Variants in DNAAF5 observed in about 807,000 individuals in gnomAD.
The protein encoded by DNAAF5 is HEAT repeat containing 2.
Under a neutral mutation model 75.8 loss-of-function variants are expected in DNAAF5, and 64 were observed. The ratio of observed to expected loss-of-function variants is 0.84; its 90% confidence interval spans 0.69 to 1.04. The LOEUF is 1.04. Among genes scored for constraint, DNAAF5 ranks in the 50% least tolerant of loss-of-function variants. The pLI is 0.00. For missense variants in DNAAF5, 1,269 were observed against 1,178.5 expected, an observed-to-expected ratio of 1.08 and a Z score of -1.12; for synonymous variants, 657 against 557.2, an observed-to-expected ratio of 1.18 and a Z score of -2.52.
At chr7:785,090 A>C (rs1036777062) in intron 12 of DNAAF5, among the ~76,000 whole-genome samples, 2 of 151,670 alleles carry the variant, frequency 1.3e-5, no homozygotes, top group Non-Finnish European at 2.9e-5. Context: ...CATCCGCTGC[A>C]TCAGGTCGCT....
In DNAAF5 at chr7:781,947, C is replaced by T. The variant is rs1210783079; in HGVS notation, c.2431+1803C>T. ...TCCCATCCCGTACCCGCGGGCTGTCCCTGCGGCTGTACTCTGCTCATTCTT... is the reference window on the plus strand; with the variant it reads ...TCCCATCCCGTACCCGCGGGCTGTCTCTGCGGCTGTACTCTGCTCATTCTT... On this transcript the variant is annotated intron_variant, in intron 12 of 12. Transcript: ENST00000297440. 2.0e-5 allele frequency among the ~76,000 whole-genome samples: 3 copies of T among 152,242 alleles called. No individual in the cohort carries two copies. The East Asian group carries it at 5.8e-4, about 29-fold the overall frequency.
intron 2 of DNAAF5, among the ~76,000 whole-genome samples, chr7:737,233 C>A (rs1171202258): frequency 6.6e-6 from 1 of 152,002 alleles, no homozygotes; most frequent in Admixed American, 6.6e-5. Context: ...GTAGCTGGGA[C>A]TACAGGCACC....
intron 2 of DNAAF5, among the ~76,000 whole-genome samples, chr7:737,730 C>A (rs1345178341): frequency 6.6e-6 from 1 of 152,184 alleles, no homozygotes; most frequent in Non-Finnish European, 1.5e-5. Context: ...TTTAAATATG[C>A]CAAGCCACTG....
intron 4 of DNAAF5, among the ~76,000 whole-genome samples, chr7:751,660 A>T (rs1381618572): frequency 7.5e-6 from 1 of 132,608 alleles, no homozygotes; most frequent in Non-Finnish European, 1.6e-5. Flanking sequence ...TGCAACCCCC[A>T]CCTCCTGGGT....
chr7:742,159 C>T (rs1262337901), intron 4 of DNAAF5, among the ~76,000 whole-genome samples: 1 of 152,194 alleles, frequency 6.6e-6, no homozygotes, highest in Non-Finnish European at 1.5e-5. Flanking sequence ...GCCCTCCTCT[C>T]GCGGGGCTGA....
chr7:758,331 C>T (rs189363266), intron 6 of DNAAF5, among the ~76,000 whole-genome samples: 1 of 152,356 alleles, frequency 6.6e-6, no homozygotes, highest in Admixed American at 6.5e-5. Flanking sequence ...TTTCACATCT[C>T]CATGTTGGTT....
chr7:777,480 C>T (rs2128085805), intron 11 of DNAAF5, among the ~76,000 whole-genome samples: 1 of 149,974 alleles, frequency 6.7e-6, no homozygotes, highest in South Asian at 2.1e-4. Context: ...CAGATGGAAA[C>T]GGAAGCGATC....
intron 2 of DNAAF5, 120 bp downstream of exon 2, chr7:729,967 C>A (rs1781514912): frequency 2.1e-6 from 2 of 932,004 alleles, no homozygotes; most frequent in Non-Finnish European, 3.2e-6. Context: ...AATGTCCTTT[C>A]ATTATTCCTA....
intron 4 of DNAAF5, among the ~76,000 whole-genome samples, chr7:752,914 C>G (rs1041449987): frequency 6.6e-6 from 1 of 152,200 alleles, no homozygotes; most frequent in African/African-American, 2.4e-5. Context: ...TTTGGAAAGA[C>G]CCTTTACCAG....
At chr7:773,523 T>C (rs978736021) in intron 9 of DNAAF5, among the ~76,000 whole-genome samples, 24 of 148,210 alleles carry the variant, frequency 1.6e-4, no homozygotes, top group African/African-American at 6.1e-4. Flanking sequence ...CTCTGAGCTG[T>C]GGCCCTTGGG....
chr7:762,140 A>G (rs920298662), intron 7 of DNAAF5, among the ~76,000 whole-genome samples: 1 of 152,208 alleles, frequency 6.6e-6, no homozygotes, highest in African/African-American at 2.4e-5. Flanking sequence ...GCAAAGAAGC[A>G]AACAAGAAAT....
At chr7:784,486 C>T (rs888312340) in intron 12 of DNAAF5, among the ~76,000 whole-genome samples, 9 of 152,178 alleles carry the variant, frequency 5.9e-5, no homozygotes, top group African/African-American at 1.9e-4. Context: ...ATAGACTCCC[C>T]AGCCACTGCA....
At chr7:784,877 C>A (rs1342979212) in intron 12 of DNAAF5, among the ~76,000 whole-genome samples, 1 of 152,214 alleles carries the variant, frequency 6.6e-6, no homozygotes, top group Non-Finnish European at 1.5e-5. Context: ...TGCCAGGAGG[C>A]GATTTTCAGT....
At chr7:727,552 G>A in intron 1 of DNAAF5, 1 of 263,908 alleles carries the variant, frequency 3.8e-6, no homozygotes, top group Admixed American at 5.9e-5. Flanking sequence ...CCACCAACGC[G>A]CCCTTCAGCT....
In DNAAF5 at chr7:754,621, G is replaced by A. The variant is rs761665711; in HGVS notation, c.1057G>A (p.Val353Ile). The change falls in exon 5 of 13, where the codon GTC (valine) becomes ATC (isoleucine). Residue 353 changes from valine to isoleucine, a missense_variant. Coordinates refer to ENST00000297440, the MANE Select transcript of DNAAF5 (RefSeq NM_017802.4). The surrounding 1 kb of genome is among the most constrained non-coding windows in gnomAD (Gnocchi z 4.8). ...CCCTGTGCTGGGCTGCCGGGAGCTCGTCTTCAGGAACCTCTCCAAGATCCT... is the reference window on the plus strand; with the variant it reads ...CCCTGTGCTGGGCTGCCGGGAGCTCATCTTCAGGAACCTCTCCAAGATCCT... ...RRPVLGCRELVFRNLSKILPA... is the reference protein window; with the variant it reads ...RRPVLGCRELIFRNLSKILPA... The A allele has an allele frequency of 2.6e-5, 42 of 1,613,966 alleles. No individual in the cohort carries two copies. The highest frequency in any genetic ancestry group is 1.1e-4 in the East Asian group (5 of 44,894).
intron 9 of DNAAF5, among the ~76,000 whole-genome samples, chr7:773,447 G>A (rs1472135849): frequency 6.6e-6 from 1 of 152,090 alleles, no homozygotes; most frequent in Non-Finnish European, 1.5e-5. Flanking sequence ...GTTTGTCTTG[G>A]TGGCACTTTG....
chr7:744,280 T>C (rs180907727), intron 4 of DNAAF5, among the ~76,000 whole-genome samples: 125 of 152,380 alleles, frequency 8.2e-4, no homozygotes, highest in African/African-American at 2.9e-3. Context: ...CATCATTTTT[T>C]ATGGCTGCAT....
chr7:775,037 A>G lies in DNAAF5; in HGVS notation c.2114A>G (p.Gln705Arg). ...GACGTGCAGGAAACACTGATGCCCC[A>G]GGTCCTGACCACCCTGGAGGAGGAT... is the stretch of plus-strand genomic sequence containing the variant. The part of the protein sequence containing the change: ...IRDVQETLMP[Q>R]VLTTLEEDSK... The change falls in exon 11 of 13, where the codon CAG becomes CGG. Residue 705 changes from glutamine (Q) to arginine (R), a missense_variant. By Grantham distance (43) the Gln-to-Arg change is conservative. Transcript: ENST00000297440. The G allele has an allele frequency of 1.2e-6, 2 of 1,614,022 alleles. No homozygotes were observed. Among genetic ancestry groups the G allele is most frequent in the Non-Finnish European group, 1.7e-6 (2 of 1,179,958 alleles).
chr7:726,783 G>A lies in DNAAF5; in HGVS notation c.63G>A (p.Thr21=), dbSNP rs1054283683. 13 of 1,279,060 alleles carry A rather than the reference G, an allele frequency of 1.0e-5. No homozygotes were observed. Among genetic ancestry groups the A allele is most frequent in the Non-Finnish European group, 1.2e-5 (12 of 1,015,126 alleles). 79.2% of individuals were successfully genotyped at this position (1,279,060 alleles called of 1,614,324 possible). A position where few individuals can be genotyped will look rare whatever the true frequency, so the allele number is the denominator to read the frequency against. ...AAPHPAEGAE[T]AEAVELSRAL... is the part of the protein sequence containing the mutation. Reference sequence around the variant, plus strand: ...CACACCCGGCTGAGGGGGCCGAGACGGCTGAGGCGGTGGAGCTGAGCCGCG... The same window carrying A: ...CACACCCGGCTGAGGGGGCCGAGACAGCTGAGGCGGTGGAGCTGAGCCGCG... Residue 21 remains threonine (T), a synonymous_variant, in exon 1 of 13, where the codon ACG becomes ACA. Transcript: ENST00000297440.
Sources: gnomAD v4.1 joint callset for allele counts (sites outside exome capture counted in the v4.1 genomes callset) on GRCh38, gnomAD v4.1.1 for gene constraint, Gnocchi (gnomAD v3.1) non-coding constraint, MANE v1.5 for transcripts, NCBI Gene and HGNC (gene_info 2026-07-23, HGNC 2026-07-21) for gene names.